PRLR: variants seen among roughly 807,000 people sequenced by gnomAD.
PRLR encodes the protein prolactin receptor.
A neutral mutation model predicts 40.2 loss-of-function variants in PRLR; 13 were observed. The ratio of observed to expected loss-of-function variants is 0.32; its 90% CI spans 0.21 to 0.51. The LOEUF (loss-of-function observed/expected upper bound fraction) is 0.51, where lower values mean the gene tolerates loss of function less well. Ranked by LOEUF, PRLR falls within the 20% of genes least tolerant of loss-of-function variation. The pLI is 0.97. For missense variants in PRLR, 656 were observed against 747.3 expected (o/e 0.88, Z 1.42); for synonymous variants, 269 against 278.7 (o/e 0.97, Z 0.35).
chr5:35,060,438 AG>A lies in PRLR; in HGVS notation c.*4650del, dbSNP rs1484548047. 2 of 152,212 alleles carry A rather than the reference AG, an allele frequency of 1.3e-5. No homozygotes were observed. Among genetic ancestry groups the A allele is most frequent in the African/African-American group, 4.8e-5 (2 of 41,472 alleles). The allele number at this position is 152,212 out of a possible 1,614,324, so 9.4% of individuals were successfully genotyped here. A position where few individuals can be genotyped will look rare whatever the true frequency, so the allele number is the denominator to read the frequency against. ...CTCATGTGCTCACTGCTTCAGGCCA[AG>A]GGTGTGTCAGCAAGGCTTTCTTGCA... On this transcript the variant is annotated 3_prime_UTR_variant, in exon 10 of 10. Transcript: ENST00000618457.
At chr5:35,169,707 G>T (rs910470119) in intron 1 of PRLR, among the ~76,000 whole-genome samples, 1 of 152,220 alleles carries the variant, frequency 6.6e-6, no homozygotes, top group African/African-American at 2.4e-5. Flanking sequence ...ACCCACGAGG[G>T]TTAGCTTTTA....
chr5:35,072,717 GC>G lies in PRLR; in HGVS notation c.400del (p.Ala134LeufsTer4). The part of the protein sequence containing the change: ...IVQPDPPLEL[A>X]VEVKQPEDRK... ...GTCTTCTGGCTGTTTTACTTCCACAGCCAGCTCCAAAGGAGGGTCTGGCTGA... is the reference window on the plus strand; with the variant it reads ...GTCTTCTGGCTGTTTTACTTCCACAGCAGCTCCAAAGGAGGGTCTGGCTGA... On this transcript the variant is annotated frameshift_variant, in exon 6 of 10. Transcript: ENST00000618457. LOFTEE classifies it high-confidence loss of function. 1 of 1,614,136 alleles carries G rather than the reference GC, an allele frequency of 6.2e-7. No homozygotes were observed. Among genetic ancestry groups the G allele is most frequent in the Non-Finnish European group, 8.5e-7 (1 of 1,180,012 alleles).
In PRLR at chr5:35,213,280, G is replaced by A. The variant is rs146586767; in HGVS notation, c.-106+16988C>T. Among the ~76,000 whole-genome samples, 608 of 152,216 alleles carry A rather than the reference G, an allele frequency of 4.0e-3. 2 individuals are homozygous for A. The highest frequency in any genetic ancestry group is 6.8e-3 in the Non-Finnish European group (464 of 68,020). ...TAATCGGTCTTAGTGACAACACAGC[G>A]AGAATCCATAAGCATAGCTTATGCT... is the stretch of plus-strand genomic sequence containing the variant. On this transcript the variant is annotated intron_variant, in intron 1 of 9. Transcript: ENST00000618457.
At chr5:35,113,465 CCA>C in intron 2 of PRLR, among the ~76,000 whole-genome samples, 6 of 146,430 alleles carry the variant, frequency 4.1e-5, no homozygotes, top group African/African-American at 1.3e-4. Context: ...ATCCATCCAT[CCA>C]TCCATCCATC....
chr5:35,131,313 C>G (rs962429623), intron 1 of PRLR, among the ~76,000 whole-genome samples: 4 of 152,080 alleles, frequency 2.6e-5, no homozygotes, highest in Admixed American at 2.6e-4. Flanking sequence ...CTATCAACTC[C>G]AAAGGGGATG....
exon 9 of PRLR, chr5:35,049,051 A>G (rs1768382499): frequency 4.8e-6 from 3 of 620,146 alleles, no homozygotes; most frequent in South Asian, 3.1e-5. Flanking sequence ...CAGAGGGAGT[A>G]TGTTACATTC....
downstream of PRLR, among the ~76,000 whole-genome samples, chr5:35,052,929 G>C (rs145143821): frequency 1.7e-4 from 26 of 152,212 alleles, no homozygotes; most frequent in African/African-American, 6.3e-4. Context: ...TGTATCTTTG[G>C]GTCTTCATTC....
At chr5:35,114,028 C>T (rs538464337) in intron 2 of PRLR, among the ~76,000 whole-genome samples, 1 of 152,234 alleles carries the variant, frequency 6.6e-6, no homozygotes, top group South Asian at 2.1e-4. Flanking sequence ...TTGCCTTTTG[C>T]CTGTGATTGG....
intron 2 of PRLR, among the ~76,000 whole-genome samples, chr5:35,105,560 G>A (rs1772183868): frequency 6.6e-6 from 1 of 152,170 alleles, no homozygotes. Context: ...GAAAACCATG[G>A]CACGAGAACT....
intron 8 of PRLR, 146 bp downstream of exon 8, chr5:35,068,632 TA>T: frequency 1.5e-6 from 1 of 671,432 alleles, no homozygotes; most frequent in Non-Finnish European, 2.5e-6. Flanking sequence ...ATAGCACTGA[TA>T]AAAGATTTTT....
downstream of PRLR, among the ~76,000 whole-genome samples, chr5:35,055,265 AAGTTGAT>A (rs1215697364): frequency 6.6e-6 from 1 of 152,130 alleles, no homozygotes; most frequent in Non-Finnish European, 1.5e-5. Context: ...AAACATGGGA[AAGTTGAT>A]CGAATCTCAG....
At chr5:35,212,776 G>A (rs1347602422) in intron 1 of PRLR, among the ~76,000 whole-genome samples, 2 of 152,152 alleles carry the variant, frequency 1.3e-5, no homozygotes, top group Non-Finnish European at 2.9e-5. Flanking sequence ...ACTGAGGGTG[G>A]GAGGAAGTCA....
intron 2 of PRLR, among the ~76,000 whole-genome samples, chr5:35,104,427 C>T (rs1357860256): frequency 2.0e-5 from 3 of 152,102 alleles, no homozygotes; most frequent in Admixed American, 2.0e-4. Context: ...GGGTGCATCG[C>T]CTCACCCGGG....
intron 1 of PRLR, among the ~76,000 whole-genome samples, chr5:35,183,101 C>T (rs889862038): frequency 2.6e-5 from 4 of 152,192 alleles, no homozygotes; most frequent in Admixed American, 1.3e-4. Flanking sequence ...TACTTCTAGC[C>T]GTGGTGTGAA....
rs1165622974 is a variant in PRLR at position 35,049,409 on chromosome 5, C to A, written c.1010-1G>T. On this transcript the variant is annotated splice_acceptor_variant, in intron 8 of 8. Transcript: ENST00000231423. LOFTEE classifies it high-confidence loss of function. ...GAGGCACCCAACATCAAGGGGTCAC[C>A]TGGAGTGGGGAAGAAAAACAGTACA... is the stretch of plus-strand genomic sequence containing the variant. The A allele has an allele frequency of 2.6e-5, 18 of 702,808 alleles. No homozygotes were observed. The highest frequency in any genetic ancestry group is 1.8e-4 in the Admixed American group (9 of 49,988). The allele number at this position is 702,808 out of a possible 1,614,324, so 43.5% of individuals were successfully genotyped here.
intron 1 of PRLR, among the ~76,000 whole-genome samples, chr5:35,174,839 GTA>G (rs1378871441): frequency 6.6e-6 from 1 of 152,148 alleles, no homozygotes; most frequent in Non-Finnish European, 1.5e-5. Context: ...CCCACCCTGA[GTA>G]CCACAAAGCC....
intron 5 of PRLR, among the ~76,000 whole-genome samples, chr5:35,075,381 G>A (rs893932090): frequency 6.6e-6 from 1 of 152,230 alleles, no homozygotes; most frequent in Non-Finnish European, 1.5e-5. Flanking sequence ...TGGCATACCA[G>A]GAGATTATAT....
chr5:35,054,311 T>C (rs1165868840), downstream of PRLR, among the ~76,000 whole-genome samples: 1 of 152,200 alleles, frequency 6.6e-6, no homozygotes, highest in Non-Finnish European at 1.5e-5. Context: ...CCTCTAGGTG[T>C]ATATTTTGGA....
At chr5:35,068,317 A>T in intron 8 of PRLR, 32 bp from the exon 9 acceptor site, 1 of 1,573,608 alleles carries the variant, frequency 6.4e-7, no homozygotes, top group Admixed American at 1.7e-5. Flanking sequence ...TGGCTAAATG[A>T]CTCATTTCTG....
Sources: allele counts gnomAD v4.1 joint callset (sites outside exome capture counted in the v4.1 genomes callset), GRCh38; gene constraint gnomAD v4.1.1; transcripts MANE v1.5; gene names NCBI Gene and HGNC (gene_info 2026-07-23, HGNC 2026-07-21).